The following LIMCH1 variants were observed in gnomAD, a reference collection of about 807,000 sequenced individuals.
LIMCH1 encodes LIM and calponin homology domains 1.
LIMCH1 carries 113 observed loss-of-function variants against 176.5 expected under a neutral mutation model. The ratio of observed to expected loss-of-function variants is 0.64; its 90% confidence interval spans 0.55 to 0.75. The LOEUF (loss-of-function observed/expected upper bound fraction) is 0.75. Among genes scored for constraint, LIMCH1 ranks in the 30% least tolerant of loss-of-function variants. The pLI is 0.00. For synonymous variants in LIMCH1, 619 were observed against 645.9 expected, an observed-to-expected ratio of 0.96 and a Z score of 0.63; for missense variants, 1,674 against 1,814.9, an observed-to-expected ratio of 0.92 and a Z score of 1.41.
chr4:41,688,993 C>A (rs150984560), intron 29 of LIMCH1: 1 of 152,470 alleles, frequency 6.6e-6, no homozygotes, highest in Non-Finnish European at 1.5e-5. Context: ...GAGAACTTGG[C>A]GACAGAGCAG....
intron 22 of LIMCH1, among the ~76,000 whole-genome samples, chr4:41,675,897 A>G (rs952145055): frequency 3.3e-5 from 5 of 152,212 alleles, no homozygotes; most frequent in African/African-American, 1.2e-4. Context: ...GGTGAGTTAA[A>G]CAACCCACTG....
intron 1 of LIMCH1, among the ~76,000 whole-genome samples, chr4:41,595,625 G>C (rs1218566522): frequency 6.6e-6 from 1 of 152,202 alleles, no homozygotes; most frequent in Admixed American, 6.5e-5. Context: ...AATGCTTGAA[G>C]AGTGTAAGGT....
At chr4:41,379,949 C>T (rs553220783) in intron 1 of LIMCH1, among the ~76,000 whole-genome samples, 1 of 152,202 alleles carries the variant, frequency 6.6e-6, no homozygotes, top group African/African-American at 2.4e-5. Flanking sequence ...CAGGTGTGCA[C>T]TACCACACCT....
chr4:41,459,191 A>C (rs1054200306), intron 1 of LIMCH1, among the ~76,000 whole-genome samples: 3 of 152,182 alleles, frequency 2.0e-5, no homozygotes, highest in Non-Finnish European at 4.4e-5. Context: ...TAAAGAGCTT[A>C]AAGAGGAAAA....
At chr4:41,687,476 A>G (rs1281617007) in intron 28 of LIMCH1, among the ~76,000 whole-genome samples, 3 of 152,004 alleles carry the variant, frequency 2.0e-5, no homozygotes, top group Non-Finnish European at 4.4e-5. Context: ...TCGTTTTTAT[A>G]TCTAATTAGC....
At chr4:41,641,474 T>A (rs931615517) in intron 14 of LIMCH1, among the ~76,000 whole-genome samples, 1 of 151,160 alleles carries the variant, frequency 6.6e-6, no homozygotes, top group Non-Finnish European at 1.5e-5. Flanking sequence ...AAAAAAAAAA[T>A]CTTGAGAAAA....
At position 41,646,900 on chromosome 4, in the gene LIMCH1, C is replaced by T. The variant is rs2152929883; in HGVS notation, c.2820+7C>T. The T allele has an allele frequency of 6.2e-7, 1 of 1,607,012 alleles. No homozygotes were observed. Among genetic ancestry groups the T allele is most frequent in the Non-Finnish European group, 8.5e-7 (1 of 1,174,386 alleles). ...TGTTCTGAAGACCTTTAAGGTAGGA[C>T]AAGTTCCTTAAGAGTAGAACCAAAG... On this transcript the variant is annotated splice_region_variant and intron_variant, in intron 17 of 31. Transcript: ENST00000503057.
chr4:41,570,221 A>G (rs997227537), intron 1 of LIMCH1, among the ~76,000 whole-genome samples: 3 of 152,220 alleles, frequency 2.0e-5, no homozygotes, highest in Non-Finnish European at 1.5e-5. Flanking sequence ...TGGCACGCAT[A>G]ATTCTGTGGC....
At chr4:41,615,294 T>A (rs2091938835) in intron 5 of LIMCH1, among the ~76,000 whole-genome samples, 1 of 152,130 alleles carries the variant, frequency 6.6e-6, no homozygotes, top group Non-Finnish European at 1.5e-5. Flanking sequence ...TATTTATCAT[T>A]ACCAGCTTTG....
chr4:41,374,143 AG>A (rs1476952072), intron 1 of LIMCH1, among the ~76,000 whole-genome samples: 1 of 152,128 alleles, frequency 6.6e-6, no homozygotes, highest in Non-Finnish European at 1.5e-5. Flanking sequence ...GTGCAAATGC[AG>A]GCTGTTGACC....
chr4:41,660,314 A>G (rs954000150), intron 18 of LIMCH1, among the ~76,000 whole-genome samples: 1 of 152,112 alleles, frequency 6.6e-6, no homozygotes, highest in African/African-American at 2.4e-5. Flanking sequence ...TGTAAATTCC[A>G]TCAAGCATAA....
At chr4:41,479,491 A>G (rs11737364) in intron 1 of LIMCH1, among the ~76,000 whole-genome samples, 14,358 of 152,116 alleles carry the variant, frequency 0.094, 912 homozygotes, top group African/African-American at 0.18. Context: ...GCCTCAAGCA[A>G]TTCTTTCACT....
At chr4:41,387,040 T>C (rs1050779865) in intron 1 of LIMCH1, among the ~76,000 whole-genome samples, 1 of 152,190 alleles carries the variant, frequency 6.6e-6, no homozygotes, top group African/African-American at 2.4e-5. Flanking sequence ...GAGCTGCCTA[T>C]CAGAAGGCAC....
intron 1 of LIMCH1, among the ~76,000 whole-genome samples, chr4:41,472,806 A>T (rs2067173886): frequency 1.3e-5 from 2 of 152,224 alleles, no homozygotes; most frequent in Non-Finnish European, 2.9e-5. Flanking sequence ...GAATCTCATT[A>T]GCATATTGTT....
rs552737901 is a variant in LIMCH1 at position 41,481,112 on chromosome 4, G to A, written c.97-13424G>A. Among the ~76,000 whole-genome samples, 5 of 151,770 alleles carry A rather than the reference G, an allele frequency of 3.3e-5. No homozygotes were observed. In the East Asian group the frequency reaches 7.7e-4, roughly 23 times the overall value. On this transcript the variant is annotated intron_variant, in intron 1 of 26. Coordinates refer to the LIMCH1 transcript ENST00000313860. Reference sequence around the variant, plus strand: ...CATGATGAAAATATAAATGGATTCTGCAGATTGCATTTTATTTTCCTCAAT... The same window carrying A: ...CATGATGAAAATATAAATGGATTCTACAGATTGCATTTTATTTTCCTCAAT...
intron 5 of LIMCH1, among the ~76,000 whole-genome samples, chr4:41,618,003 G>T (rs1267367893): frequency 1.3e-5 from 2 of 152,198 alleles, no homozygotes; most frequent in African/African-American, 4.8e-5. Context: ...TTAAAGTACT[G>T]ATGTAACATA....
At chr4:41,436,159 G>A (rs1259349379) in intron 1 of LIMCH1, among the ~76,000 whole-genome samples, 1 of 152,158 alleles carries the variant, frequency 6.6e-6, no homozygotes, top group East Asian at 1.9e-4. Flanking sequence ...TAAATTAGGA[G>A]GCCAGGAATT....
chr4:41,696,755 G>A (rs1366640253), intron 31 of LIMCH1, among the ~76,000 whole-genome samples: 1 of 152,104 alleles, frequency 6.6e-6, no homozygotes, highest in African/African-American at 2.4e-5. Flanking sequence ...ATATTACAAT[G>A]TACTTATTCT....
Position 41,565,947 on chromosome 4 carries a change from T to A in LIMCH1, c.-241+27597T>A, listed in dbSNP as rs146145307. Among the ~76,000 whole-genome samples, 20 of 152,332 alleles carry A rather than the reference T, an allele frequency of 1.3e-4. No individual in the cohort carries two copies. The East Asian group carries it at 3.3e-3, about 25-fold the overall frequency. The stretch of plus-strand genomic sequence containing the variant: ...AGGCATGGCACTAAGCTCTTGGGAA[T>A]TTCTTATTTAACCCTGACAACTTAT... On this transcript the variant is annotated intron_variant, in intron 1 of 31. Transcript: ENST00000503057.
Sources: gnomAD v4.1 joint callset for allele counts (sites outside exome capture counted in the v4.1 genomes callset) on GRCh38, gnomAD v4.1.1 for gene constraint, MANE v1.5 for transcripts, NCBI Gene and HGNC (gene_info 2026-07-23, HGNC 2026-07-21) for gene names.